The following INSC variants were observed in gnomAD, a reference collection of about 807,000 sequenced individuals.
INSC encodes the protein INSC spindle orientation adaptor protein.
In INSC, 67 loss-of-function variants were observed where a neutral mutation model predicts 58.6. That is an observed-to-expected ratio of 1.14 (90% CI 0.94 to 1.40). INSC has a LOEUF of 1.40. Among genes scored for constraint, INSC ranks in the 40% most tolerant of loss-of-function variants. The pLI, the probability that INSC is intolerant of heterozygous loss-of-function variation, is 0.00. For synonymous variants in INSC, 262 were observed against 276.1 expected (o/e 0.95, Z 0.51); for missense variants, 714 against 692.0 (o/e 1.03, Z -0.36).
chr11:15,154,673 G>A (rs1848752189), intron 2 of INSC, among the ~76,000 whole-genome samples: 1 of 152,122 alleles, frequency 6.6e-6, no homozygotes, highest in Non-Finnish European at 1.5e-5. Context: ...GTGTGTTCTT[G>A]GACAATTTTT....
intron 6 of INSC, among the ~76,000 whole-genome samples, chr11:15,195,874 T>C (rs1850351516): frequency 6.6e-6 from 1 of 152,210 alleles, no homozygotes; most frequent in Non-Finnish European, 1.5e-5. Flanking sequence ...ACCTTCCAAA[T>C]CTACCATGCT....
At chr11:15,206,640 T>C (rs1392489121) in intron 7 of INSC, among the ~76,000 whole-genome samples, 1 of 152,038 alleles carries the variant, frequency 6.6e-6, no homozygotes, top group Non-Finnish European at 1.5e-5. Context: ...CCTGGAGGAC[T>C]GGAGCTGGCA....
chr11:15,249,843 T>C (rs1216142720), downstream of INSC, among the ~76,000 whole-genome samples: 4 of 152,226 alleles, frequency 2.6e-5, no homozygotes, highest in Non-Finnish European at 5.9e-5. Context: ...GGGCAGGGCA[T>C]TGGCCAGCTA....
rs544550800 is a variant in INSC, at chr11:15,154,157, G to C, written c.56+4927G>C. On this transcript the variant is annotated intron_variant, in intron 2 of 12. Transcript: ENST00000379556. ...GGGCCTAAGGGCTAAATTCATATTT[G>C]GTTCATATTTATGCTCCTGACTATG... 2.6e-4 allele frequency among the ~76,000 whole-genome samples: 40 copies of C among 152,248 alleles called. No individual in the cohort carries two copies. In the East Asian group the frequency reaches 7.3e-3, roughly 28 times the overall value.
In INSC at chr11:15,246,409, G is replaced by GT. The variant is rs57701913; in HGVS notation, c.*379dup. 0.012 allele frequency: 1,843 copies of GT among 151,912 alleles called. 42 individuals carry two copies. Among genetic ancestry groups the GT allele is most frequent in the African/African-American group, 0.04 (1,622 of 40,930 alleles). 9.4% of individuals were successfully genotyped at this position (151,912 alleles called of 1,614,324 possible). On this transcript the variant is annotated 3_prime_UTR_variant, in exon 13 of 13. Transcript: ENST00000379556. ...CCAGAGGATTTCAACTGCCTAGCAA[G>GT]TTTTTTTTTTAAGTTGGATTTGCTC...
rs1851604048 is a variant in INSC at position 15,225,661 on chromosome 11, G to A, written c.1003G>A (p.Glu335Lys). The part of the protein sequence containing the change: ...IVTALVKLCQ[E>K]ASSGEVFLLA... ...TCTTTGCCATCCAGAACTGTGCCAA[G>A]AGGCCTCATCAGGGGAAGTCTTCCT... is the stretch of plus-strand genomic sequence containing the variant. The change falls in exon 9 of 13, where the codon GAG (glutamate) becomes AAG (lysine). Residue 335 changes from glutamate (E) to lysine (K), a missense_variant. Physicochemically the swap from Glu to Lys is moderately conservative, Grantham distance 56. Transcript: ENST00000379556. 6.2e-7 allele frequency: 1 copy of A among 1,614,118 alleles called. No homozygotes were observed. Among genetic ancestry groups the A allele is most frequent in the African/African-American group, 1.3e-5 (1 of 75,070 alleles).
chr11:15,195,110 T>C (rs902255403), intron 6 of INSC, among the ~76,000 whole-genome samples: 5 of 152,176 alleles, frequency 3.3e-5, no homozygotes, highest in African/African-American at 7.2e-5. Flanking sequence ...GGAGATAGCA[T>C]TGGATCTGTT....
At chr11:15,208,305 A>T (rs1360492711) in intron 7 of INSC, among the ~76,000 whole-genome samples, 2 of 152,078 alleles carry the variant, frequency 1.3e-5, no homozygotes, top group African/African-American at 2.4e-5. Flanking sequence ...CTCCCATGGG[A>T]ATGGGCTAAG....
chr11:15,125,488 A>T (rs906576416), intron 1 of INSC, among the ~76,000 whole-genome samples: 2 of 152,210 alleles, frequency 1.3e-5, no homozygotes, highest in Non-Finnish European at 2.9e-5. Flanking sequence ...GGAGCCTATT[A>T]TAGTGATTTA....
At chr11:15,200,549 GCCTGCCTTGGCC>G (rs1850543085) in intron 6 of INSC, among the ~76,000 whole-genome samples, 1 of 152,026 alleles carries the variant, frequency 6.6e-6, no homozygotes, top group Non-Finnish European at 1.5e-5. Flanking sequence ...TAGCAAATAT[GCCTGCCTTGGCC>G]CCTGGCTCCC....
chr11:15,172,893 A>G (rs1373154060), intron 2 of INSC, among the ~76,000 whole-genome samples: 1 of 152,178 alleles, frequency 6.6e-6, no homozygotes, highest in Non-Finnish European at 1.5e-5. Context: ...TGACTTATCC[A>G]GGGAACGGTG....
At chr11:15,206,226 C>T (rs1850791704) in intron 7 of INSC, among the ~76,000 whole-genome samples, 1 of 152,136 alleles carries the variant, frequency 6.6e-6, no homozygotes, top group African/African-American at 2.4e-5. Context: ...GTCCCATGGC[C>T]ATCAGAGGCT....
chr11:15,114,894 G>C, upstream of INSC: 1 of 980,866 alleles, frequency 1.0e-6, no homozygotes, highest in Non-Finnish European at 1.2e-6. Context: ...GCCAGGGGCG[G>C]CCTCTCGGGC....
the INSC span, among the ~76,000 whole-genome samples, chr11:15,254,666 C>CA: frequency 6.6e-6 from 1 of 152,180 alleles, no homozygotes; most frequent in Non-Finnish European, 1.5e-5. Context: ...CACCTAATGG[C>CA]AAGTGCTCAA....
chr11:15,158,079 C>T (rs1848879900), intron 2 of INSC, among the ~76,000 whole-genome samples: 1 of 152,108 alleles, frequency 6.6e-6, no homozygotes, highest in South Asian at 2.1e-4. Context: ...CTATCCCATG[C>T]CATTGCCTTA....
intron 1 of INSC, among the ~76,000 whole-genome samples, chr11:15,119,768 C>A (rs180836697): frequency 6.6e-6 from 1 of 152,112 alleles, no homozygotes; most frequent in Non-Finnish European, 1.5e-5. Context: ...CAGAGGTGGG[C>A]GGTACATACT....
intron 1 of INSC, among the ~76,000 whole-genome samples, chr11:15,130,352 A>G (rs1247426258): frequency 6.6e-6 from 1 of 152,190 alleles, no homozygotes; most frequent in Non-Finnish European, 1.5e-5. Context: ...AGATGGCCGT[A>G]AGGTTTTTTC....
chr11:15,120,091 T>C (rs539250837), intron 1 of INSC, among the ~76,000 whole-genome samples: 1 of 152,306 alleles, frequency 6.6e-6, no homozygotes, highest in African/African-American at 2.4e-5. Flanking sequence ...AGCCTCCCTT[T>C]CCTGGTGCAT....
chr11:15,123,561 G>T (rs1489820421), intron 1 of INSC, among the ~76,000 whole-genome samples: 1 of 152,194 alleles, frequency 6.6e-6, no homozygotes, highest in Non-Finnish European at 1.5e-5. Flanking sequence ...TGGGGTGCCT[G>T]CCAACCATGT....
Sources: gnomAD v4.1 joint callset for allele counts (sites outside exome capture counted in the v4.1 genomes callset) on GRCh38, gnomAD v4.1.1 for gene constraint, MANE v1.5 for transcripts, NCBI Gene and HGNC (gene_info 2026-07-23, HGNC 2026-07-21) for gene names.